Variants in NOS1 observed in about 807,000 individuals in gnomAD.
NOS1 encodes the protein nitric oxide synthase 1, also known as NOS type I.
A neutral mutation model predicts 164.5 loss-of-function variants in NOS1; 51 were observed. The observed-to-expected ratio is 0.31, with a 90% CI of 0.25 to 0.39. NOS1 has a LOEUF of 0.39. NOS1 is among the 10% of genes least tolerant of loss of function. NOS1 has a pLI of 1.00. For missense variants in NOS1, 1,362 were observed against 1,885.6 expected (o/e 0.72, Z 5.14); for synonymous variants, 719 against 745.8 (o/e 0.96, Z 0.59).
intron 3 of NOS1, chr12:117,302,018 G>T (rs191224457): frequency 2.2e-6 from 1 of 456,590 alleles, no homozygotes; most frequent in African/African-American, 2.0e-5. Context: ...ACACTTACTG[G>T]TTATGTGACC....
Position 117,221,189 on chromosome 12 carries a change from G to T in NOS1, c.3976-920C>A, listed in dbSNP as rs188357070. On this transcript the variant is annotated intron_variant, in intron 26 of 28. Transcript: ENST00000317775. ...TTATTTTTGAGACAGAGTCTTGCTC[G>T]TTGCCCAGGCTGGAGTGCAGTGGCA... Among the ~76,000 whole-genome samples, 15 of 150,090 alleles carry T rather than the reference G, an allele frequency of 1.0e-4. No homozygotes were observed. The East Asian group carries it at 2.7e-3, about 27-fold the overall frequency.
At chr12:117,312,631 C>T (rs1369860690) in intron 2 of NOS1, among the ~76,000 whole-genome samples, 1 of 151,942 alleles carries the variant, frequency 6.6e-6, no homozygotes, top group Non-Finnish European at 1.5e-5. Flanking sequence ...CTGTGTTGCC[C>T]AGGCTGGTCT....
intron 3 of NOS1, among the ~76,000 whole-genome samples, chr12:117,310,543 C>T (rs1291711000): frequency 6.6e-6 from 1 of 152,162 alleles, no homozygotes; most frequent in Non-Finnish European, 1.5e-5. Context: ...GCTAAAAGAA[C>T]ACACAAAAAC....
intron 14 of NOS1, among the ~76,000 whole-genome samples, chr12:117,260,244 G>C (rs1871796974): frequency 6.6e-6 from 1 of 152,104 alleles, no homozygotes; most frequent in South Asian, 2.1e-4. Context: ...CTAACATTTT[G>C]CTCTAAAGAG....
Position 117,272,641 on chromosome 12 carries a change from C to T in NOS1, c.1665-82G>A. 2 of 1,349,242 alleles carry T rather than the reference C, an allele frequency of 1.5e-6. No individual in the cohort carries two copies. The highest frequency in any genetic ancestry group is 1.3e-5 in the South Asian group (1 of 74,918). The allele number at this position is 1,349,242 out of a possible 1,614,324, so 83.6% of individuals were successfully genotyped here. A position where few individuals can be genotyped will look rare whatever the true frequency, so the allele number is the denominator to read the frequency against. Reference sequence around the variant, plus strand: ...GCTTGAATCTAGAGATGCTGAAATGCCAAGGATGGACTGGGACTGACAAGG... The same window carrying T: ...GCTTGAATCTAGAGATGCTGAAATGTCAAGGATGGACTGGGACTGACAAGG... On this transcript the variant is annotated intron_variant, in intron 9 of 28. Coordinates refer to ENST00000317775, the MANE Select transcript of NOS1 (RefSeq NM_000620.5). The surrounding 1 kb of genome is among the most constrained non-coding windows in gnomAD (Gnocchi z 4.3).
At chr12:117,271,700 G>A (rs1447542955) in intron 10 of NOS1, among the ~76,000 whole-genome samples, 1 of 152,174 alleles carries the variant, frequency 6.6e-6, no homozygotes, top group Non-Finnish European at 1.5e-5. Flanking sequence ...GCCCTCTTTT[G>A]AAACAAATCC....
Position 117,212,908 on chromosome 12 carries a change from C to G in NOS1, c.*2401G>C. ...GAAAGAAACACATCAGATCGCTCTCCTGCCTTCTAGCCTGGAGTTGTGAAG... is the reference window on the plus strand; with the variant it reads ...GAAAGAAACACATCAGATCGCTCTCGTGCCTTCTAGCCTGGAGTTGTGAAG... On this transcript the variant is annotated 3_prime_UTR_variant, in exon 29 of 29. Coordinates refer to ENST00000317775, the MANE Select transcript of NOS1 (RefSeq NM_000620.5). 1.0e-6 allele frequency: 1 copy of G among 985,426 alleles called. No homozygotes were observed. Among genetic ancestry groups the G allele is most frequent in the Non-Finnish European group, 1.2e-6 (1 of 829,930 alleles). The allele number at this position is 985,426 out of a possible 1,614,324, so 61.0% of individuals were successfully genotyped here.
intron 2 of NOS1, among the ~76,000 whole-genome samples, chr12:117,314,547 C>T (rs991352171): frequency 2.0e-5 from 3 of 152,160 alleles, no homozygotes; most frequent in Non-Finnish European, 4.4e-5. Context: ...AAGGTCCCAC[C>T]GTAAGCATAT....
At chr12:117,235,389 T>C (rs547898324) in intron 20 of NOS1, among the ~76,000 whole-genome samples, 4 of 152,230 alleles carry the variant, frequency 2.6e-5, no homozygotes, top group East Asian at 1.9e-4. Flanking sequence ...TCAGTACTAA[T>C]AGGGGTTCTC....
intron 7 of NOS1, among the ~76,000 whole-genome samples, chr12:117,283,635 T>C (rs1056705304): frequency 6.6e-6 from 1 of 151,922 alleles, no homozygotes; most frequent in African/African-American, 2.4e-5. Flanking sequence ...GGCAGGTAGA[T>C]AGCTGAGGTC....
rs769688326 is a variant in NOS1, at chr12:117,278,136, C to A, written c.1525-38G>T. ...CCGGCCAGGTAATGCCACTGTACCCCACACCCTACAAACACAACCCTTATG... is the reference window on the plus strand; with the variant it reads ...CCGGCCAGGTAATGCCACTGTACCCAACACCCTACAAACACAACCCTTATG... On this transcript the variant is annotated intron_variant, in intron 8 of 28. Transcript: ENST00000317775. 3.2e-6 allele frequency: 5 copies of A among 1,582,248 alleles called. No individual in the cohort carries two copies. The Admixed American group carries it at 8.5e-5, about 27-fold the overall frequency.
chr12:117,223,472 G>A (rs1868382044), intron 25 of NOS1, among the ~76,000 whole-genome samples: 1 of 152,018 alleles, frequency 6.6e-6, no homozygotes, highest in Non-Finnish European at 1.5e-5. Flanking sequence ...GTGTTGGCCA[G>A]GCTGGTCTCG....
In NOS1 at chr12:117,317,410, C is replaced by T. The variant is rs139755952; in HGVS notation, c.726-5818G>A. Among the ~76,000 whole-genome samples, 14 of 149,518 alleles carry T rather than the reference C, an allele frequency of 9.4e-5. 1 individual carries two copies. In the East Asian group the frequency reaches 2.2e-3, roughly 23 times the overall value. ...TTCTTGTTGCCAGGACTGTCTTGTGCGTTGGAGGATGTTTGAGCAGCATTC... is the reference window on the plus strand; with the variant it reads ...TTCTTGTTGCCAGGACTGTCTTGTGTGTTGGAGGATGTTTGAGCAGCATTC... On this transcript the variant is annotated intron_variant, in intron 2 of 28. Transcript: ENST00000317775.
chr12:117,324,154 C>A (rs1378928737), intron 2 of NOS1, among the ~76,000 whole-genome samples: 1 of 151,994 alleles, frequency 6.6e-6, no homozygotes, highest in African/African-American at 2.4e-5. Flanking sequence ...GCTGTGTGAC[C>A]CTGGGTAAGT....
In NOS1 at chr12:117,225,019, T is replaced by C. The variant is rs749610875; in HGVS notation, c.3823A>G (p.Lys1275Glu). The change falls in exon 25 of 29, where the codon AAA (lysine) becomes GAA (glutamate). Residue 1275 changes from lysine to glutamate, a missense_variant. By Grantham distance (56) the Lys-to-Glu change is moderately conservative. Around this residue, in one of 4 missense-constraint regions of NOS1, gnomAD observed 737 missense variants for 1,030.3 expected, o/e 0.72. Transcript: ENST00000317775. The part of the protein sequence containing the change: ...WQQRQFDIQH[K>E]GMNPCPMVLV... ...TGGCCACTGGACTGTAACCCACCTT[T>C]GTGTTGGATATCAAATTGCCGCTGT... 1 of 1,614,120 alleles carries C rather than the reference T, an allele frequency of 6.2e-7. No individual in the cohort carries two copies. Among genetic ancestry groups the C allele is most frequent in the South Asian group, 1.1e-5 (1 of 91,076 alleles).
In NOS1 at chr12:117,212,725, A is replaced by C. The variant is rs992310939; in HGVS notation, c.*2584T>G. The C allele has an allele frequency of 3.0e-6, 3 of 985,414 alleles. No homozygotes were observed. Among genetic ancestry groups the C allele is most frequent in the Non-Finnish European group, 3.6e-6 (3 of 829,946 alleles). 61.0% of individuals were successfully genotyped at this position (985,414 alleles called of 1,614,324 possible). ...TACCCATTGCTTAATTCTATTTTGC[A>C]CTTAAACGGTTGGCTACGAGGCCTG... On this transcript the variant is annotated 3_prime_UTR_variant, in exon 29 of 29. Transcript: ENST00000317775.
At chr12:117,281,726 C>T (rs1479912391) in intron 7 of NOS1, among the ~76,000 whole-genome samples, 1 of 143,684 alleles carries the variant, frequency 7.0e-6, no homozygotes, top group African/African-American at 2.6e-5. Context: ...CCCAGCTACT[C>T]GGGAGGCTGA....
At chr12:117,352,807 G>A (rs1353843599) in intron 1 of NOS1, among the ~76,000 whole-genome samples, 1 of 152,064 alleles carries the variant, frequency 6.6e-6, no homozygotes, top group African/African-American at 2.4e-5. Context: ...AAACGAGAAG[G>A]CTAAATATTA....
intron 1 of NOS1, among the ~76,000 whole-genome samples, chr12:117,359,910 A>G: frequency 1.5e-5 from 1 of 66,194 alleles, no homozygotes; most frequent in Non-Finnish European, 3.0e-5. Flanking sequence ...ATATATATAT[A>G]TATATATATA....
Sources: allele counts gnomAD v4.1 joint callset (sites outside exome capture counted in the v4.1 genomes callset), GRCh38; gene constraint gnomAD v4.1.1; regional missense constraint gnomAD v4.1.1; non-coding constraint Gnocchi (gnomAD v3.1); transcripts MANE v1.5; gene names NCBI Gene and HGNC (gene_info 2026-07-23, HGNC 2026-07-21).